The following SNX14 variants were observed in gnomAD, a reference collection of about 807,000 sequenced individuals.
SNX14 encodes sorting nexin 14.
Under a neutral mutation model 133.8 loss-of-function variants are expected in SNX14, and 93 were observed. The ratio of observed to expected loss-of-function variants is 0.70; its 90% CI spans 0.59 to 0.83. SNX14 has a LOEUF of 0.83. Among genes scored for constraint, SNX14 ranks in the 40% least tolerant of loss-of-function variants. The pLI is 0.00. For missense variants in SNX14, 945 were observed against 1,094.9 expected (o/e 0.86, Z 1.93); for synonymous variants, 368 against 365.6 (o/e 1.01, Z -0.07).
At chr6:85,530,753 T>A (rs1180420710) in intron 18 of SNX14, among the ~76,000 whole-genome samples, 1 of 152,222 alleles carries the variant, frequency 6.6e-6, no homozygotes, top group African/African-American at 2.4e-5. Context: ...TTTTATCCCA[T>A]ATTTTAGTTA....
At position 85,547,110 on chromosome 6, in the gene SNX14, A is replaced by T; in HGVS notation, c.1108+2T>A. ...TTCGTAAAATACACAGGTAAGCCTC[A>T]CCCACAGTCAAACAAAACTGCAACA... On this transcript the variant is annotated splice_donor_variant, in intron 12 of 28. Coordinates refer to ENST00000314673, the MANE Select transcript of SNX14 (RefSeq NM_153816.6). LOFTEE classifies it high-confidence loss of function. 4 of 1,610,402 alleles carry T rather than the reference A, an allele frequency of 2.5e-6. No homozygotes were observed. Among genetic ancestry groups the T allele is most frequent in the Non-Finnish European group, 3.4e-6 (4 of 1,177,738 alleles).
At chr6:85,528,143 A>G (rs191342378) in intron 20 of SNX14, 119 bp downstream of exon 20, 67 of 585,474 alleles carry the variant, frequency 1.1e-4, no homozygotes, top group Admixed American at 2.3e-4. Context: ...TATTTTCTAA[A>G]TTAAAATCTA....
At chr6:85,571,976 C>T (rs900298349) in intron 4 of SNX14, among the ~76,000 whole-genome samples, 161 bp downstream of exon 4, 1 of 152,174 alleles carries the variant, frequency 6.6e-6, no homozygotes, top group Non-Finnish European at 1.5e-5. Context: ...TTCTAGCTTA[C>T]TACTCAAGTT....
At chr6:85,518,655 A>G (rs1357017194) in intron 21 of SNX14, among the ~76,000 whole-genome samples, 2 of 152,192 alleles carry the variant, frequency 1.3e-5, no homozygotes, top group Non-Finnish European at 2.9e-5. Context: ...GATAAATACA[A>G]CTTAAACTGC....
intron 5 of SNX14, among the ~76,000 whole-genome samples, chr6:85,566,099 G>T (rs530514359): frequency 6.6e-6 from 1 of 152,216 alleles, no homozygotes; most frequent in Non-Finnish European, 1.5e-5. Flanking sequence ...CCCTACAGAA[G>T]GGGATATTAC....
At chr6:85,529,159 C>A (rs1276426102) in intron 19 of SNX14, among the ~76,000 whole-genome samples, 2 of 152,012 alleles carry the variant, frequency 1.3e-5, no homozygotes, top group Non-Finnish European at 2.9e-5. Flanking sequence ...ACTCGGGAGT[C>A]TGAGGCAGGA....
intron 16 of SNX14, 136 bp from the exon 17 acceptor site, chr6:85,537,060 A>G (rs1782191876): frequency 7.0e-6 from 6 of 852,564 alleles, no homozygotes; most frequent in Non-Finnish European, 1.0e-5. Context: ...TAACTTTTGG[A>G]GTTTTCATAC....
At position 85,547,402 on chromosome 6, in the gene SNX14, G is replaced by C. The variant is rs1786030971; in HGVS notation, c.913-5C>G. On this transcript the variant is annotated splice_polypyrimidine_tract_variant and splice_region_variant and intron_variant, in intron 10 of 28. Coordinates refer to ENST00000314673, the MANE Select transcript of SNX14 (RefSeq NM_153816.6). The stretch of plus-strand genomic sequence containing the variant: ...CGGTTCAGTTGCTTTTTCAGGCTTT[G>C]AAAGAAAGAGAATTATTAACTCAGT... 1.9e-6 allele frequency: 3 copies of C among 1,612,002 alleles called. No homozygotes were observed. The highest frequency in any genetic ancestry group is 2.5e-6 in the Non-Finnish European group (3 of 1,179,564).
chr6:85,523,722 G>A (rs924636426), intron 21 of SNX14, among the ~76,000 whole-genome samples: 9 of 151,972 alleles, frequency 5.9e-5, no homozygotes, highest in East Asian at 1.9e-4. Flanking sequence ...CTGAGATCAC[G>A]CCACCGCACT....
intron 7 of SNX14, among the ~76,000 whole-genome samples, chr6:85,551,172 T>A (rs186026282): frequency 6.6e-6 from 1 of 152,278 alleles, no homozygotes; most frequent in Non-Finnish European, 1.5e-5. Flanking sequence ...TCAGACAAAA[T>A]GGACTCCCCC....
chr6:85,511,254 G>A (rs1772713911), intron 26 of SNX14, among the ~76,000 whole-genome samples: 1 of 152,108 alleles, frequency 6.6e-6, no homozygotes, highest in Non-Finnish European at 1.5e-5. Context: ...TGAATTTTGT[G>A]TATTAACCTT....
At chr6:85,550,200 G>C (rs1418503808) in intron 7 of SNX14, among the ~76,000 whole-genome samples, 1 of 152,176 alleles carries the variant, frequency 6.6e-6, no homozygotes, top group African/African-American at 2.4e-5. Context: ...GCAGTGAATG[G>C]AGATGTTTCC....
At position 85,543,214 on chromosome 6, in the gene SNX14, C is replaced by G; in HGVS notation, c.1357G>C (p.Val453Leu). The G allele has an allele frequency of 1.3e-6, 2 of 1,589,138 alleles. No homozygotes were observed. Among genetic ancestry groups the G allele is most frequent in the Non-Finnish European group, 1.7e-6 (2 of 1,170,874 alleles). ...CTATGGCAGAACATAGGAGTAAATA[C>G]ATTCTCCAAAAGGGAAAGAACATGT... ...YEHVLSLLEN[V>L]FTPMFCHSDE... Residue 453 changes from valine (V) to leucine (L), a missense_variant, in exon 14 of 29, where the codon GTA becomes CTA. By Grantham distance (32) the Val-to-Leu change is conservative (BLOSUM62 1). Coordinates refer to ENST00000314673, the MANE Select transcript of SNX14 (RefSeq NM_153816.6).
At chr6:85,571,168 C>A (rs1215093334) in intron 4 of SNX14, among the ~76,000 whole-genome samples, 2 of 151,790 alleles carry the variant, frequency 1.3e-5, no homozygotes, top group Non-Finnish European at 2.9e-5. Flanking sequence ...TCCTGGCTAA[C>A]ATGTGAAACC....
At position 85,593,797 on chromosome 6, in the gene SNX14, C is replaced by G. The variant is rs1227467099; in HGVS notation, c.-79G>C. ...GACCCCCCATCCACACCTCGCGTCC[C>G]CGCCCCACCGACTTGGCGGCGCACA... On this transcript the variant is annotated 5_prime_UTR_variant, in exon 1 of 29. Transcript: ENST00000314673. 15 of 1,586,398 alleles carry G rather than the reference C, an allele frequency of 9.5e-6. No individual in the cohort carries two copies. The African/African-American group carries it at 2.0e-4, about 22-fold the overall frequency.
chr6:85,511,025 T>C (rs1387339993), intron 26 of SNX14, among the ~76,000 whole-genome samples: 1 of 152,178 alleles, frequency 6.6e-6, no homozygotes, highest in Non-Finnish European at 1.5e-5. Flanking sequence ...AGAACGGACA[T>C]CTTGAAAACA....
rs931986857 is a variant in SNX14, at chr6:85,593,734, G to T, written c.-16C>A. The T allele has an allele frequency of 6.2e-6, 10 of 1,613,078 alleles. No individual in the cohort carries two copies. Among genetic ancestry groups the T allele is most frequent in the Admixed American group, 1.7e-5 (1 of 60,006 alleles). On this transcript the variant is annotated 5_prime_UTR_variant, in exon 1 of 29. Coordinates refer to ENST00000314673, the MANE Select transcript of SNX14 (RefSeq NM_153816.6). ...AGGGCACCATCTCCGTAACGGCGAG[G>T]CCGAGACTGCGCTACTGGCTGAGGC...
intron 1 of SNX14, among the ~76,000 whole-genome samples, chr6:85,586,911 T>C (rs953319338): frequency 6.6e-6 from 1 of 152,126 alleles, no homozygotes; most frequent in African/African-American, 2.4e-5. Context: ...CCAGGCATGA[T>C]GGTGGATGCC....
intron 1 of SNX14, among the ~76,000 whole-genome samples, chr6:85,590,165 C>T (rs1425215451): frequency 6.6e-6 from 1 of 152,200 alleles, no homozygotes; most frequent in African/African-American, 2.4e-5. Flanking sequence ...GTCCAGGCCT[C>T]CTTATACAAC....
Sources: allele counts gnomAD v4.1 joint callset (sites outside exome capture counted in the v4.1 genomes callset), GRCh38; gene constraint gnomAD v4.1.1; transcripts MANE v1.5; gene names NCBI Gene and HGNC (gene_info 2026-07-23, HGNC 2026-07-21).